CPNE5: variants seen among roughly 807,000 people sequenced by gnomAD.
CPNE5 encodes the protein copine-5.
In CPNE5, 42 loss-of-function variants were observed where a neutral mutation model predicts 81.1. The observed-to-expected ratio is 0.52, with a 90% confidence interval of 0.40 to 0.67. CPNE5 has a LOEUF of 0.67. Among genes scored for constraint, CPNE5 ranks in the 30% least tolerant of loss-of-function variants. The probability of loss-of-function intolerance (pLI) is 0.00; values close to 1 mark genes in which losing one functional copy is unlikely to be tolerated. For synonymous variants in CPNE5, 313 were observed against 321.5 expected (o/e 0.97, Z 0.28); for missense variants, 612 against 815.5 (o/e 0.75, Z 3.04).
rs1301055922 is a variant in CPNE5, at chr6:36,748,205, C to T, written c.1018+16G>A. The T allele has an allele frequency of 1.2e-6, 2 of 1,613,412 alleles. No individual in the cohort carries two copies. Among genetic ancestry groups the T allele is most frequent in the Non-Finnish European group, 1.7e-6 (2 of 1,179,430 alleles). On this transcript the variant is annotated intron_variant, in intron 15 of 20. Transcript: ENST00000244751. ...CTCTCCTCCCACCCTGCTCCTCTAC[C>T]CATCCCCCAACTCACCATTGGAGGC...
chr6:36,770,690 C>A (rs146140662), intron 10 of CPNE5, among the ~76,000 whole-genome samples: 5 of 152,232 alleles, frequency 3.3e-5, no homozygotes, highest in Admixed American at 2.0e-4. Flanking sequence ...TGGCCACCCC[C>A]CTCCTGGAGA....
At chr6:36,796,992 C>A (rs571801596) in intron 6 of CPNE5, among the ~76,000 whole-genome samples, 4 of 152,144 alleles carry the variant, frequency 2.6e-5, no homozygotes, top group Non-Finnish European at 5.9e-5. Context: ...CTCACTGCAA[C>A]CTCCTGGGTT....
At position 36,742,664 on chromosome 6, in the gene CPNE5, T is replaced by A. The variant is rs1016612114; in HGVS notation, c.1564-178A>T. On this transcript the variant is annotated intron_variant, in intron 20 of 20. Transcript: ENST00000244751. Reference sequence around the variant, plus strand: ...CCCTCAACTCCCTGGGTTTGGGCAGTCAGTAACTATAGTCATAGTCACTAT... The same window carrying A: ...CCCTCAACTCCCTGGGTTTGGGCAGACAGTAACTATAGTCATAGTCACTAT... 5 of 983,676 alleles carry A rather than the reference T, an allele frequency of 5.1e-6. No homozygotes were observed. In the Admixed American group the frequency reaches 1.9e-4, roughly 37 times the overall value. The allele number at this position is 983,676 out of a possible 1,614,324, so 60.9% of individuals were successfully genotyped here. A position where few individuals can be genotyped will look rare whatever the true frequency, so the allele number is the denominator to read the frequency against.
At chr6:36,822,307 C>G (rs986318690) in intron 2 of CPNE5, 147 bp from the exon 3 acceptor site, 4 of 527,628 alleles carry the variant, frequency 7.6e-6, no homozygotes, top group East Asian at 6.6e-5. Context: ...GAGGGTGTCT[C>G]CTGGGGTGGC....
chr6:36,769,785 C>T (rs1351844697), intron 10 of CPNE5, among the ~76,000 whole-genome samples: 2 of 152,170 alleles, frequency 1.3e-5, no homozygotes, highest in East Asian at 1.9e-4. Flanking sequence ...TGCCCTTCAT[C>T]GAGGCCATCT....
rs1767378514 is a variant in CPNE5, at chr6:36,775,014, G to C, written c.684C>G (p.Val228=). ...TCACGGGAATGGAGAAAGTTTGCCA[G>C]ACTGGATTTAGGGTGTTCTTCATGA... The part of the protein sequence containing the change: ...TEVMKNTLNP[V]WQTFSIPVRA... Residue 228 remains valine, a synonymous_variant, in exon 10 of 21, where the codon GTC becomes GTG. Transcript: ENST00000244751. 6.2e-7 allele frequency: 1 copy of C among 1,614,234 alleles called. No individual in the cohort carries two copies. The highest frequency in any genetic ancestry group is 8.5e-7 in the Non-Finnish European group (1 of 1,180,024).
At chr6:36,772,763 C>T (rs1201691487) in intron 10 of CPNE5, among the ~76,000 whole-genome samples, 1 of 152,236 alleles carries the variant, frequency 6.6e-6, no homozygotes, top group Non-Finnish European at 1.5e-5. Context: ...CATTCATCTG[C>T]TGATCATCCC....
intron 20 of CPNE5, among the ~76,000 whole-genome samples, chr6:36,743,460 C>T (rs2150351339): frequency 6.6e-6 from 1 of 152,338 alleles, no homozygotes; most frequent in South Asian, 2.1e-4. Context: ...GGCTGGGCAC[C>T]CGCAATGTTA....
In CPNE5 at chr6:36,744,345, G is replaced by C. The variant is rs776205890; in HGVS notation, c.1432-20C>G. On this transcript the variant is annotated intron_variant, in intron 18 of 20. Transcript: ENST00000244751. ...GGCAGCCTGGGAGACAGCATGGGGG[G>C]CAGGGAAAGGTTGGACCCAATTGGG... The C allele has an allele frequency of 1.6e-5, 25 of 1,571,830 alleles. No homozygotes were observed. Among genetic ancestry groups the C allele is most frequent in the Admixed American group, 1.1e-4 (6 of 52,262 alleles).
rs1773823859 is a variant in CPNE5, at chr6:36,839,255, A to G, written c.95+28T>C. Reference sequence around the variant, plus strand: ...GGGGCTCTGCGTCCAGGGCCGGGGCAAGGGGACCCGGCCAGCGGGAGGCTC... The same window carrying G: ...GGGGCTCTGCGTCCAGGGCCGGGGCGAGGGGACCCGGCCAGCGGGAGGCTC... On this transcript the variant is annotated intron_variant, in intron 1 of 20. Coordinates refer to ENST00000244751, the MANE Select transcript of CPNE5 (RefSeq NM_020939.2). This position sits in a 1 kb window ranked among gnomAD's most constrained non-coding sequence, Gnocchi z 7.3. 1.3e-6 allele frequency: 2 copies of G among 1,485,056 alleles called. No homozygotes were observed. The highest frequency in any genetic ancestry group is 1.8e-6 in the Non-Finnish European group (2 of 1,099,454). The allele number at this position is 1,485,056 out of a possible 1,614,324, so 92.0% of individuals were successfully genotyped here.
At chr6:36,776,422 T>C (rs143960416) in intron 9 of CPNE5, among the ~76,000 whole-genome samples, 2,002 of 152,128 alleles carry the variant, frequency 0.013, 40 homozygotes, top group African/African-American at 0.045. Context: ...CCCACACACC[T>C]CAGAGCTGGT....
At position 36,751,664 on chromosome 6, in the gene CPNE5, C is replaced by T. The variant is rs548101081; in HGVS notation, c.971+1370G>A. Among the ~76,000 whole-genome samples, 4 of 152,234 alleles carry T rather than the reference C, an allele frequency of 2.6e-5. No individual in the cohort carries two copies. In the South Asian group the frequency reaches 8.3e-4, roughly 32 times the overall value. Reference sequence around the variant, plus strand: ...AATTAGCTGGGGGTGGTGGCGCATGCCTGTAGCCCCAGCTACTCTACTTGA... The same window carrying T: ...AATTAGCTGGGGGTGGTGGCGCATGTCTGTAGCCCCAGCTACTCTACTTGA... On this transcript the variant is annotated intron_variant, in intron 14 of 20. Transcript: ENST00000244751.
chr6:36,804,536 T>C (rs1770407979), intron 3 of CPNE5, among the ~76,000 whole-genome samples: 1 of 152,218 alleles, frequency 6.6e-6, no homozygotes, highest in African/African-American at 2.4e-5. Flanking sequence ...GGAAGGGACT[T>C]ACTTCCTTTC....
chr6:36,756,191 G>T (rs1225230271), intron 13 of CPNE5, 54 bp downstream of exon 13: 3 of 1,526,000 alleles, frequency 2.0e-6, no homozygotes, highest in East Asian at 4.6e-5. Flanking sequence ...ACCAGACCTA[G>T]CTTGGGGCTC....
At chr6:36,803,270 T>C (rs1197044837) in intron 3 of CPNE5, among the ~76,000 whole-genome samples, 1 of 152,164 alleles carries the variant, frequency 6.6e-6, no homozygotes, top group Non-Finnish European at 1.5e-5. Flanking sequence ...GGGCCCCCAG[T>C]ATGTGCCAAT....
intron 3 of CPNE5, among the ~76,000 whole-genome samples, chr6:36,802,841 G>A (rs1770248233): frequency 6.6e-6 from 1 of 152,074 alleles, no homozygotes; most frequent in Non-Finnish European, 1.5e-5. Flanking sequence ...CTTGAGGTGA[G>A]GAGTTTGAGA....
intron 12 of CPNE5, among the ~76,000 whole-genome samples, chr6:36,760,240 T>C (rs1765893672): frequency 1.4e-5 from 2 of 145,228 alleles, no homozygotes; most frequent in Non-Finnish European, 3.0e-5. Context: ...AAAGCACGCA[T>C]ACACAGATTG....
chr6:36,777,769 CACACACACA>C (rs1562126503), intron 9 of CPNE5, among the ~76,000 whole-genome samples: 3 of 27,128 alleles, frequency 1.1e-4, no homozygotes, highest in African/African-American at 1.9e-4. Flanking sequence ...CCCCCCACCA[CACACACACA>C]CACACACACA....
At chr6:36,757,371 G>T (rs1003439844) in intron 12 of CPNE5, 3 of 985,052 alleles carry the variant, frequency 3.0e-6, no homozygotes, top group Admixed American at 1.2e-4. Flanking sequence ...GATCTTTACC[G>T]TGGTCTCTTC....
Sources: allele counts gnomAD v4.1 joint callset (sites outside exome capture counted in the v4.1 genomes callset), GRCh38; gene constraint gnomAD v4.1.1; non-coding constraint Gnocchi (gnomAD v3.1); transcripts MANE v1.5; gene names NCBI Gene and HGNC (gene_info 2026-07-23, HGNC 2026-07-21).